Variants in SAMD12 observed in about 807,000 individuals in gnomAD.
SAMD12 encodes the protein sterile alpha motif domain containing 12, also known as sterile alpha motif domain-containing protein 12.
SAMD12 carries 9 observed loss-of-function variants against 15.0 expected under a neutral mutation model. The ratio of observed to expected loss-of-function variants is 0.60; its 90% CI spans 0.36 to 1.05. The LOEUF (loss-of-function observed/expected upper bound fraction) is 1.05, where lower values mean the gene tolerates loss of function less well. Among genes scored for constraint, SAMD12 ranks in the 50% least tolerant of loss-of-function variants. The probability of loss-of-function intolerance (pLI) is 0.01; values close to 1 mark genes in which losing one functional copy is unlikely to be tolerated. For synonymous variants in SAMD12, 86 were observed against 90.1 expected (o/e 0.96, Z 0.25); for missense variants, 230 against 234.2 (o/e 0.98, Z 0.12).
chr8:118,503,435 A>AC (rs1824840113), intron 2 of SAMD12, among the ~76,000 whole-genome samples: 1 of 152,206 alleles, frequency 6.6e-6, no homozygotes, highest in South Asian at 2.1e-4. Context: ...GAAGAGTTGA[A>AC]CAGTGCTCAG....
intron 3 of SAMD12, among the ~76,000 whole-genome samples, chr8:118,412,761 A>G (rs1821475702): frequency 6.6e-6 from 1 of 152,112 alleles, no homozygotes; most frequent in Non-Finnish European, 1.5e-5. Context: ...ATCTTAACTC[A>G]CAGAATGTAG....
intron 4 of SAMD12, among the ~76,000 whole-genome samples, chr8:118,240,644 G>A (rs997821922): frequency 6.6e-6 from 1 of 152,110 alleles, no homozygotes; most frequent in Non-Finnish European, 1.5e-5. Flanking sequence ...TCAGTAAATG[G>A]AAGCTATAAT....
chr8:118,206,625 T>C (rs889638153), intron 4 of SAMD12, among the ~76,000 whole-genome samples: 2 of 152,248 alleles, frequency 1.3e-5, no homozygotes, highest in African/African-American at 4.8e-5. Context: ...TATTGTTACA[T>C]AGAATCTGTA....
At chr8:118,210,975 C>A (rs1023795307) in intron 4 of SAMD12, among the ~76,000 whole-genome samples, 1 of 152,184 alleles carries the variant, frequency 6.6e-6, no homozygotes, top group African/African-American at 2.4e-5. Flanking sequence ...AAATGAACAA[C>A]AAATAACCCC....
intron 2 of SAMD12, among the ~76,000 whole-genome samples, chr8:118,529,217 A>G (rs1052854585): frequency 1.8e-4 from 28 of 152,166 alleles, no homozygotes; most frequent in African/African-American, 6.5e-4. Context: ...TTTACTTTTC[A>G]GAGGCCTCAG....
At chr8:118,392,442 C>CAAAAACA (rs1170439698) in intron 3 of SAMD12, among the ~76,000 whole-genome samples, 4 of 152,014 alleles carry the variant, frequency 2.6e-5, no homozygotes, top group East Asian at 1.9e-4. Flanking sequence ...GACAAACAAA[C>CAAAAACA]AAAAACAAAA....
chr8:118,421,420 T>C (rs1049434260), intron 3 of SAMD12, among the ~76,000 whole-genome samples: 1 of 152,236 alleles, frequency 6.6e-6, no homozygotes, highest in Non-Finnish European at 1.5e-5. Context: ...CTATTCTCAT[T>C]GCTCTTGTTT....
chr8:118,416,836 T>A (rs947537879), intron 3 of SAMD12, among the ~76,000 whole-genome samples: 2 of 152,256 alleles, frequency 1.3e-5, no homozygotes, highest in Admixed American at 6.5e-5. Context: ...GATTTTACAA[T>A]AATCTGATTT....
At position 118,486,437 on chromosome 8, in the gene SAMD12, G is replaced by A. The variant is rs907436427; in HGVS notation, c.193-46476C>T. On this transcript the variant is annotated intron_variant, in intron 2 of 3. Transcript: ENST00000314727. Reference sequence around the variant, plus strand: ...TCTAAAAAAAAAAAAGAGAGAGAGAGTAGCAAAAGATGGGGTTAGAGAGCT... The same window carrying A: ...TCTAAAAAAAAAAAAGAGAGAGAGAATAGCAAAAGATGGGGTTAGAGAGCT... 2.0e-5 allele frequency among the ~76,000 whole-genome samples: 3 copies of A among 150,920 alleles called. No homozygotes were observed. In the South Asian group the frequency reaches 6.3e-4, roughly 32 times the overall value.
intron 3 of SAMD12, among the ~76,000 whole-genome samples, chr8:118,380,864 G>A (rs567195727): frequency 6.6e-6 from 1 of 152,246 alleles, no homozygotes; most frequent in African/African-American, 2.4e-5. Flanking sequence ...TAGTTTATAT[G>A]CTGTTGTAAA....
At chr8:118,141,792 C>A in the SAMD12 span, among the ~76,000 whole-genome samples, 1 of 152,168 alleles carries the variant, frequency 6.6e-6, no homozygotes, top group African/African-American at 2.4e-5. Flanking sequence ...AGGAAGTAAG[C>A]AAAGAAGCAA....
chr8:118,224,725 C>T (rs140878059), intron 4 of SAMD12, among the ~76,000 whole-genome samples: 2 of 152,282 alleles, frequency 1.3e-5, no homozygotes, highest in East Asian at 3.9e-4. Context: ...GAATAAAGCA[C>T]CTGAACAATA....
At chr8:118,155,403 A>G in the SAMD12 span, among the ~76,000 whole-genome samples, 2 of 152,226 alleles carry the variant, frequency 1.3e-5, no homozygotes, top group Non-Finnish European at 2.9e-5. Flanking sequence ...ATAATACAGT[A>G]TCTTAAAAGT....
intron 4 of SAMD12, among the ~76,000 whole-genome samples, chr8:118,289,970 TCTTCTGAGC>T (rs939973848): frequency 2.0e-5 from 3 of 152,282 alleles, no homozygotes; most frequent in African/African-American, 7.2e-5. Context: ...AAGAGAGATA[TCTTCTGAGC>T]CTTTTTAGGT....
intron 1 of SAMD12, among the ~76,000 whole-genome samples, chr8:118,589,409 A>C (rs1473549669): frequency 1.3e-5 from 2 of 152,228 alleles, no homozygotes; most frequent in African/African-American, 4.8e-5. Context: ...ACAGTTCGCT[A>C]TAATGGAATC....
intron 4 of SAMD12, among the ~76,000 whole-genome samples, chr8:118,331,203 A>G (rs1352163612): frequency 3.3e-5 from 5 of 152,174 alleles, no homozygotes; most frequent in African/African-American, 1.2e-4. Flanking sequence ...GAAAGTGATC[A>G]AAGGAAAAAA....
rs563350171 is a variant in SAMD12, at chr8:118,484,945, T to C, written c.193-44984A>G. 1.8e-4 allele frequency among the ~76,000 whole-genome samples: 27 copies of C among 152,302 alleles called. 1 individual carries two copies. The highest frequency in any genetic ancestry group is 6.5e-4 in the African/African-American group (27 of 41,554). ...CAAGAAACCCAATGATCCTTGGTCG[T>C]ATGCAGCTTTCATGGTAATGGATCT... On this transcript the variant is annotated intron_variant, in intron 2 of 3. Coordinates refer to ENST00000314727, the MANE Select transcript of SAMD12 (RefSeq NM_207506.3).
At chr8:118,196,396 C>T (rs978368268) in exon 5 of SAMD12, 1 of 152,082 alleles carries the variant, frequency 6.6e-6, no homozygotes, top group African/African-American at 2.4e-5. Flanking sequence ...AAACATGCTA[C>T]AGTGTTATGT....
chr8:118,424,224 T>C lies in SAMD12; in HGVS notation c.322+15608A>G, dbSNP rs537047598. ...GTATATGTGTATATCTACGCATTTATATAATTCTTTACATACAAATGTATA... is the reference window on the plus strand; with the variant it reads ...GTATATGTGTATATCTACGCATTTACATAATTCTTTACATACAAATGTATA... On this transcript the variant is annotated intron_variant, in intron 3 of 3. Transcript: ENST00000314727. Among the ~76,000 whole-genome samples the C allele has an allele frequency of 1.4e-4, 22 of 152,346 alleles. 1 individual carries two copies. The highest frequency in any genetic ancestry group is 4.1e-4 in the African/African-American group (17 of 41,584).
Sources: allele counts gnomAD v4.1 joint callset (sites outside exome capture counted in the v4.1 genomes callset), GRCh38; gene constraint gnomAD v4.1.1; transcripts MANE v1.5; gene names NCBI Gene and HGNC (gene_info 2026-07-23, HGNC 2026-07-21).